IRAG2: variants seen among roughly 807,000 people sequenced by gnomAD.
IRAG2 encodes the protein lymphoid restricted membrane protein.
IRAG2 carries 45 observed loss-of-function variants against 69.9 expected under a neutral mutation model. The ratio of observed to expected loss-of-function variants is 0.64; its 90% CI spans 0.51 to 0.83. IRAG2 has a LOEUF of 0.83. IRAG2 is among the 40% of genes least tolerant of loss of function. The pLI is 0.00. For synonymous variants in IRAG2, 193 were observed against 202.4 expected (o/e 0.95, Z 0.40); for missense variants, 520 against 587.0 (o/e 0.89, Z 1.18).
chr12:24,999,398 T>C (rs4963598), upstream of IRAG2, among the ~76,000 whole-genome samples: 761 of 152,270 alleles, frequency 5.0e-3, 4 homozygotes, highest in Middle Eastern at 0.017. Flanking sequence ...AAAGTGTTGA[T>C]TCAAGAGCTT....
At chr12:25,051,407 A>T (rs541245043), upstream of IRAG2, among the ~76,000 whole-genome samples, 4 of 152,290 alleles carry the variant, frequency 2.6e-5, no homozygotes, top group South Asian at 8.3e-4. Flanking sequence ...ACGGCTGACA[A>T]TGTCTTCCTT....
chr12:25,098,601 AC>A (rs1948568125), intron 15 of IRAG2, among the ~76,000 whole-genome samples: 1 of 152,194 alleles, frequency 6.6e-6, no homozygotes, highest in African/African-American at 2.4e-5. Flanking sequence ...TTCTCCATTT[AC>A]ATTTTCTCCA....
At position 25,062,820 on chromosome 12, in the gene IRAG2, A is replaced by T. The variant is rs1945713527; in HGVS notation, c.-384A>T. 2.5e-6 allele frequency: 1 copy of T among 398,878 alleles called. No individual in the cohort carries two copies. The highest frequency in any genetic ancestry group is 4.4e-6 in the Non-Finnish European group (1 of 226,032). The allele number at this position is 398,878 out of a possible 1,614,324, so 24.7% of individuals were successfully genotyped here. The stretch of plus-strand genomic sequence containing the variant: ...ACACTCTACCATTTTCTCTTGACAG[A>T]GCTTTTTAGATGAGGAATTTCCTCA... On this transcript the variant is annotated splice_region_variant and 5_prime_UTR_variant, in exon 3 of 22. Coordinates refer to ENST00000556887, the MANE Select transcript of IRAG2 (RefSeq NM_001366544.2).
At chr12:25,024,762 A>G (rs754594013) in intron 8 of IRAG2, among the ~76,000 whole-genome samples, 26 of 152,220 alleles carry the variant, frequency 1.7e-4, no homozygotes, top group Non-Finnish European at 1.8e-4. Flanking sequence ...CAGAGCTGGT[A>G]TAGCCACAAG....
intron 6 of IRAG2, among the ~76,000 whole-genome samples, chr12:25,019,411 T>C (rs1431469826): frequency 6.6e-6 from 1 of 152,050 alleles, no homozygotes; most frequent in Non-Finnish European, 1.5e-5. Context: ...CTCAGCAGGA[T>C]GGGGAGCTGG....
chr12:25,067,131 A>G (rs1482931013), intron 5 of IRAG2, among the ~76,000 whole-genome samples: 2 of 152,156 alleles, frequency 1.3e-5, no homozygotes, highest in Non-Finnish European at 2.9e-5. Flanking sequence ...GATTTTGATC[A>G]TAATTCTCTT....
chr12:25,106,654 AT>A (rs1949161286), intron 20 of IRAG2, among the ~76,000 whole-genome samples: 1 of 142,636 alleles, frequency 7.0e-6, no homozygotes, highest in Admixed American at 7.0e-5. Flanking sequence ...CTTTTTGTAT[AT>A]ACTTGGCTAA....
In IRAG2 at chr12:25,103,995, A is replaced by G. The variant is rs749868439; in HGVS notation, c.997-14A>G. The G allele has an allele frequency of 1.2e-6, 2 of 1,612,430 alleles. No homozygotes were observed. The highest frequency in any genetic ancestry group is 1.7e-6 in the Non-Finnish European group (2 of 1,178,868). On this transcript the variant is annotated splice_polypyrimidine_tract_variant and intron_variant, in intron 18 of 21. Coordinates refer to ENST00000556887, the MANE Select transcript of IRAG2 (RefSeq NM_001366544.2). ...ATTTTATCATTTCTTTTAACATTTGAACTTCTACTAAAGGTGGCTGGGATG... is the reference window on the plus strand; with the variant it reads ...ATTTTATCATTTCTTTTAACATTTGGACTTCTACTAAAGGTGGCTGGGATG...
At chr12:25,072,158 C>T (rs1478121061) in intron 6 of IRAG2, among the ~76,000 whole-genome samples, 2 of 151,884 alleles carry the variant, frequency 1.3e-5, no homozygotes, top group African/African-American at 2.4e-5. Context: ...GAGCCGAGAT[C>T]GTGCCATTGT....
upstream of IRAG2, among the ~76,000 whole-genome samples, chr12:25,000,631 T>C (rs1323524110): frequency 2.0e-5 from 3 of 152,018 alleles, no homozygotes; most frequent in African/African-American, 7.2e-5. Context: ...CTCTACAAAA[T>C]TAAAAATAAT....
At chr12:25,031,025 C>T (rs977806847) in intron 10 of IRAG2, 1 of 985,260 alleles carries the variant, frequency 1.0e-6, no homozygotes, top group Non-Finnish European at 1.2e-6. Flanking sequence ...TACAAAGGTG[C>T]TGGTTACGGT....
At chr12:25,081,835 A>G (rs1162400576) in intron 9 of IRAG2, among the ~76,000 whole-genome samples, 1 of 152,152 alleles carries the variant, frequency 6.6e-6, no homozygotes, top group African/African-American at 2.4e-5. Context: ...TTCTTGGGGG[A>G]AAAAAGTACA....
Position 25,091,177 on chromosome 12 carries a change from T to C in IRAG2, c.606+980T>C, listed in dbSNP as rs544306182. The C allele has an allele frequency of 2.6e-4, 44 of 172,110 alleles. No homozygotes were observed. The South Asian group carries it at 5.5e-3, about 22-fold the overall frequency. The allele number at this position is 172,110 out of a possible 1,614,324, so 10.7% of individuals were successfully genotyped here. A position where few individuals can be genotyped will look rare whatever the true frequency, so the allele number is the denominator to read the frequency against. ...AACATAAAATTTATCATCTTGAACA[T>C]CTTCAAGTGCACAGTTCAATGTAAG... On this transcript the variant is annotated intron_variant, in intron 14 of 21. Coordinates refer to ENST00000556887, the MANE Select transcript of IRAG2 (RefSeq NM_001366544.2).
rs945881562 is a variant in IRAG2 at position 25,097,048 on chromosome 12, A to G, written c.741+4A>G. ...GATGTTGGGAGCCATCAATCAGGTA[A>G]CCTGTCTTCATTTCTCTAGTTAGAA... On this transcript the variant is annotated splice_donor_region_variant and intron_variant, in intron 15 of 21. Transcript: ENST00000556887. 1.2e-6 allele frequency: 2 copies of G among 1,601,086 alleles called. No homozygotes were observed. Among genetic ancestry groups the G allele is most frequent in the African/African-American group, 1.3e-5 (1 of 74,120 alleles).
intron 3 of IRAG2, among the ~76,000 whole-genome samples, chr12:25,012,482 C>G (rs1255879138): frequency 6.6e-6 from 1 of 151,926 alleles, no homozygotes; most frequent in Non-Finnish European, 1.5e-5. Flanking sequence ...CCTATGCCTC[C>G]TATTCAGCCA....
At chr12:25,091,278 C>G (rs1217017451) in intron 14 of IRAG2, among the ~76,000 whole-genome samples, 1 of 152,204 alleles carries the variant, frequency 6.6e-6, no homozygotes, top group Non-Finnish European at 1.5e-5. Flanking sequence ...ACCCCATCCC[C>G]TGGTAACCAT....
At chr12:25,101,049 T>A (rs11047833) in intron 15 of IRAG2, 129 bp from the exon 16 acceptor site, 156,779 of 603,930 alleles carry the variant, frequency 0.26, 17,754 homozygotes, top group Admixed American at 0.28. Flanking sequence ...CATGTCTTTT[T>A]AAAAAAAAAA....
chr12:25,053,031 C>G, intron 1 of IRAG2, 75 bp downstream of exon 1: 1 of 397,652 alleles, frequency 2.5e-6, no homozygotes, highest in Non-Finnish European at 4.4e-6. Context: ...AGACATTTTT[C>G]TAGATTACAG....
intron 14 of IRAG2, among the ~76,000 whole-genome samples, chr12:25,095,590 T>C (rs1565583621): frequency 6.6e-6 from 1 of 152,182 alleles, no homozygotes; most frequent in Non-Finnish European, 1.5e-5. Flanking sequence ...ATCAGAGATA[T>C]TGGTCTGTAG....
Sources: gnomAD v4.1 joint callset for allele counts (sites outside exome capture counted in the v4.1 genomes callset) on GRCh38, gnomAD v4.1.1 for gene constraint, MANE v1.5 for transcripts, NCBI Gene and HGNC (gene_info 2026-07-23, HGNC 2026-07-21) for gene names.